SCAI: variants seen among roughly 807,000 people sequenced by gnomAD.
The protein encoded by SCAI is protein SCAI.
A neutral mutation model predicts 92.2 loss-of-function variants in SCAI; 24 were observed. The ratio of observed to expected loss-of-function variants is 0.26; its 90% CI spans 0.19 to 0.37. SCAI has a LOEUF of 0.37. SCAI is among the 10% of genes least tolerant of loss of function. The probability of loss-of-function intolerance (pLI) is 1.00; values close to 1 mark genes in which losing one functional copy is unlikely to be tolerated. For missense variants in SCAI, 450 were observed against 736.2 expected (o/e 0.61, Z 4.50); for synonymous variants, 261 against 258.6 (o/e 1.01, Z -0.09).
chr9:125,093,405 C>A (rs1417506978), intron 2 of SCAI, among the ~76,000 whole-genome samples: 2 of 152,174 alleles, frequency 1.3e-5, no homozygotes, highest in East Asian at 3.9e-4. Context: ...CAGGCTGCTC[C>A]TTCTCAAAGT....
Position 124,958,258 on chromosome 9 carries a change from A to T in SCAI, c.1675-5305T>A, listed in dbSNP as rs575485482. ...TTATATAGACGTACAAAGGAACTAAAACAACCAAAATACCTAAAAATCTTT... is the reference window on the plus strand; with the variant it reads ...TTATATAGACGTACAAAGGAACTAATACAACCAAAATACCTAAAAATCTTT... On this transcript the variant is annotated intron_variant, in intron 17 of 17. Coordinates refer to ENST00000336505, the MANE Select transcript of SCAI (RefSeq NM_001144877.3). Among the ~76,000 whole-genome samples, 6 of 152,342 alleles carry T rather than the reference A, an allele frequency of 3.9e-5. No individual in the cohort carries two copies. In the South Asian group the frequency reaches 1.0e-3, roughly 26 times the overall value.
In SCAI at chr9:124,947,276, C is replaced by T. The variant is rs1335748721; in HGVS notation, c.*5531G>A. 6.6e-6 allele frequency: 1 copy of T among 152,086 alleles called. No homozygotes were observed. The highest frequency in any genetic ancestry group is 1.5e-5 in the Non-Finnish European group (1 of 68,004). 9.4% of individuals were successfully genotyped at this position (152,086 alleles called of 1,614,324 possible). A position where few individuals can be genotyped will look rare whatever the true frequency, so the allele number is the denominator to read the frequency against. On this transcript the variant is annotated 3_prime_UTR_variant, in exon 18 of 18. Coordinates refer to ENST00000336505, the MANE Select transcript of SCAI (RefSeq NM_001144877.3). ...AAATATGGATCAAGAAAATAAAGGA[C>T]TACTACAGCCTAAGAATCTGCTGGT... is the stretch of plus-strand genomic sequence containing the variant.
chr9:125,143,049 A>C (rs1835706139), intron 1 of SCAI, among the ~76,000 whole-genome samples: 1 of 86,746 alleles, frequency 1.2e-5, no homozygotes, highest in Non-Finnish European at 2.3e-5. Context: ...CCGACCGTGC[A>C]CTGCCCCCTC....
Position 125,143,502 on chromosome 9 carries a change from G to T in SCAI, c.-65C>A. On this transcript the variant is annotated 5_prime_UTR_variant, in exon 1 of 18. Coordinates refer to ENST00000336505, the MANE Select transcript of SCAI (RefSeq NM_001144877.3). ...CAGGGCTCGCTCGGGAAGCTGAGGC[G>T]GCGGAGGCTGGAGTAGGCGGAGAGG... The T allele has an allele frequency of 2.3e-6, 3 of 1,283,264 alleles. No individual in the cohort carries two copies. The highest frequency in any genetic ancestry group is 3.0e-6 in the Non-Finnish European group (3 of 1,007,458). The allele number at this position is 1,283,264 out of a possible 1,614,324, so 79.5% of individuals were successfully genotyped here.
chr9:125,019,159 T>G lies in SCAI; in HGVS notation c.656A>C (p.Glu219Ala), dbSNP rs1375964762. ...IEDYTHRFNT[E>A]DQVEWNLVLQ... ...CACCAAGTTCCATTCCACTTGATCT[T>G]CAGTATTAAATCGGTGAGTATAATC... The change falls in exon 8 of 18, where the codon GAA becomes GCA. Residue 219 changes from glutamate (E) to alanine (A), a missense_variant. Glu to Ala is a moderately radical substitution (Grantham distance 107). Coordinates refer to ENST00000336505, the MANE Select transcript of SCAI (RefSeq NM_001144877.3). The G allele has an allele frequency of 6.2e-7, 1 of 1,604,696 alleles. No individual in the cohort carries two copies. Among genetic ancestry groups the G allele is most frequent in the East Asian group, 2.2e-5 (1 of 44,804 alleles).
intron 2 of SCAI, among the ~76,000 whole-genome samples, chr9:125,093,023 T>C (rs1834468569): frequency 6.6e-6 from 1 of 152,240 alleles, no homozygotes; most frequent in Non-Finnish European, 1.5e-5. Flanking sequence ...CTGGACACTG[T>C]TGATCATTTT....
intron 17 of SCAI, chr9:124,968,667 G>A (rs1349678008): frequency 2.4e-6 from 3 of 1,251,640 alleles, no homozygotes; most frequent in Non-Finnish European, 3.5e-6. Flanking sequence ...TACAGAGCCT[G>A]GGTGGCCCAA....
At chr9:124,993,587 T>G (rs184207178) in intron 14 of SCAI, among the ~76,000 whole-genome samples, 2 of 151,984 alleles carry the variant, frequency 1.3e-5, no homozygotes, top group East Asian at 3.9e-4. Flanking sequence ...AAACTCTGTC[T>G]CAAAAAAGAA....
At chr9:125,118,452 G>C (rs1835095027) in intron 2 of SCAI, among the ~76,000 whole-genome samples, 1 of 152,038 alleles carries the variant, frequency 6.6e-6, no homozygotes, top group African/African-American at 2.4e-5. Flanking sequence ...AAGAGTTTAG[G>C]ACTACAGTGA....
At chr9:124,972,872 CT>C (rs1384613762) in intron 15 of SCAI, among the ~76,000 whole-genome samples, 2 of 152,194 alleles carry the variant, frequency 1.3e-5, no homozygotes, top group African/African-American at 4.8e-5. Flanking sequence ...CTCCAGCCAT[CT>C]CCCTATTTTC....
chr9:125,007,196 A>C (rs1017398588), intron 9 of SCAI, among the ~76,000 whole-genome samples: 4 of 152,166 alleles, frequency 2.6e-5, no homozygotes, highest in East Asian at 1.9e-4. Flanking sequence ...ATATATAGTA[A>C]TTATAAATAT....
At chr9:124,976,830 T>A (rs1045036088) in intron 14 of SCAI, among the ~76,000 whole-genome samples, 5 of 151,630 alleles carry the variant, frequency 3.3e-5, no homozygotes, top group African/African-American at 1.2e-4. Context: ...AAACATTTTT[T>A]AAAATACTCT....
At position 124,943,491 on chromosome 9, in the gene SCAI, AAT is replaced by A. The variant is rs1415160302; in HGVS notation, c.*9314_*9315del. The A allele has an allele frequency of 6.6e-6, 1 of 152,232 alleles. No individual in the cohort carries two copies. 9.4% of individuals were successfully genotyped at this position (152,232 alleles called of 1,614,324 possible). A position where few individuals can be genotyped will look rare whatever the true frequency, so the allele number is the denominator to read the frequency against. On this transcript the variant is annotated 3_prime_UTR_variant, in exon 18 of 18. Coordinates refer to ENST00000336505, the MANE Select transcript of SCAI (RefSeq NM_001144877.3). ...CTTGGATAAGAATTGTTACATGAAA[AAT>A]ATTGTGCTTCAGTCTCTTGAGGAGA...
chr9:125,135,971 C>CAAAAAAAA lies in SCAI; in HGVS notation c.98+6654_98+6661dup, dbSNP rs1359728011. Reference sequence around the variant, plus strand: ...TCAACAAGCAAAACTCCATCTCAAACAAAAAAAAAAAAAACAAAAAAAAAA... The same window carrying CAAAAAAAA: ...TCAACAAGCAAAACTCCATCTCAAACAAAAAAAAAAAAAAAAAAAAAACAAAAAAAAAA... On this transcript the variant is annotated intron_variant, in intron 2 of 17. Transcript: ENST00000336505. Among the ~76,000 whole-genome samples the CAAAAAAAA allele has an allele frequency of 1.4e-4, 11 of 81,066 alleles. No individual in the cohort carries two copies. In the East Asian group the frequency reaches 1.6e-3, roughly 12 times the overall value. 53.2% of individuals were successfully genotyped at this position (81,066 alleles called of 152,430 possible).
chr9:125,069,995 T>C (rs1169599886), intron 2 of SCAI, among the ~76,000 whole-genome samples: 1 of 152,130 alleles, frequency 6.6e-6, no homozygotes, highest in East Asian at 1.9e-4. Flanking sequence ...TAAAATACTA[T>C]CACATGTCTC....
At chr9:125,018,552 T>C (rs1273290212) in intron 9 of SCAI, among the ~76,000 whole-genome samples, 1 of 152,250 alleles carries the variant, frequency 6.6e-6, no homozygotes, top group Non-Finnish European at 1.5e-5. Flanking sequence ...GAAATAATTC[T>C]GCTTCCTGGC....
In SCAI at chr9:124,976,118, T is replaced by C. The variant is rs1831749383; in HGVS notation, c.1395A>G (p.Leu465=). ...CCAGGCAATGAGGGTACATACCTTG[T>C]AAAGCTTTTGGATATGCTGTAGGAG... ...LLSPTAYPKA[L]QDQSQRGSLF... Residue 465 remains leucine, a synonymous_variant, in exon 15 of 18, where the codon TTA becomes TTG. Transcript: ENST00000336505. 1.2e-6 allele frequency: 2 copies of C among 1,608,456 alleles called. No individual in the cohort carries two copies. The highest frequency in any genetic ancestry group is 2.2e-5 in the South Asian group (2 of 90,996).
chr9:125,015,910 C>T (rs1832746933), intron 9 of SCAI, among the ~76,000 whole-genome samples: 1 of 151,466 alleles, frequency 6.6e-6, no homozygotes, highest in African/African-American at 2.4e-5. Flanking sequence ...AATCATCATT[C>T]TCAGTAAACT....
At chr9:125,110,999 AAG>A (rs1175812058) in intron 2 of SCAI, among the ~76,000 whole-genome samples, 2 of 152,218 alleles carry the variant, frequency 1.3e-5, no homozygotes, top group Admixed American at 1.3e-4. Flanking sequence ...TCTAGAGAAA[AAG>A]AGAGAACATT....
Sources: gnomAD v4.1 joint callset for allele counts (sites outside exome capture counted in the v4.1 genomes callset) on GRCh38, gnomAD v4.1.1 for gene constraint, MANE v1.5 for transcripts, NCBI Gene and HGNC (gene_info 2026-07-23, HGNC 2026-07-21) for gene names.